TNXB: variants seen among roughly 807,000 people sequenced by gnomAD.
TNXB encodes the protein tenascin-X.
Under a neutral mutation model 340.5 loss-of-function variants are expected in TNXB, and 183 were observed. That is an observed-to-expected ratio of 0.54 (90% CI 0.48 to 0.61). The LOEUF is 0.61. Among genes scored for constraint, TNXB ranks in the 20% least tolerant of loss-of-function variants. The pLI, the probability that TNXB is intolerant of heterozygous loss-of-function variation, is 0.00. For synonymous variants in TNXB, 2,121 were observed against 2,314.5 expected, an observed-to-expected ratio of 0.92 and a Z score of 2.40; for missense variants, 4,613 against 5,446.4, an observed-to-expected ratio of 0.85 and a Z score of 4.82.
rs1299020479 is a variant in TNXB, at chr6:32,048,407, T to C, written c.10001A>G (p.Gln3334Arg). 6.5e-7 allele frequency: 1 copy of C among 1,538,558 alleles called. No individual in the cohort carries two copies. The highest frequency in any genetic ancestry group is 2.3e-5 in the East Asian group (1 of 43,762). Residue 3334 changes from glutamine to arginine, a missense_variant, in exon 29 of 44, where the codon CAG (glutamine) becomes CGG (arginine). This residue lies in a region of TNXB where 4,327 missense variants were observed against 4,859.4 expected (regional missense o/e 0.89). Transcript: ENST00000644971. ...GACTGGGCCGTGGCGTTTCCCATTC[T>C]GGAGTCCAAAGAGCAGGAACTTGTA... is the stretch of plus-strand genomic sequence containing the variant. ...RKYKFLLFGLQNGKRHGPVPV... is the reference protein window; with the variant it reads ...RKYKFLLFGLRNGKRHGPVPV...
rs773223609 is a variant in TNXB, at chr6:32,095,989, G to A, written c.1864C>T (p.Pro622Ser). The A allele has an allele frequency of 5.0e-6, 8 of 1,612,990 alleles. No individual in the cohort carries two copies. Among genetic ancestry groups the A allele is most frequent in the Non-Finnish European group, 6.8e-6 (8 of 1,179,774 alleles). ...VSEDCSIRTCPSNCHGRGRCE... is the reference protein window; with the variant it reads ...VSEDCSIRTCSSNCHGRGRCE... Reference sequence around the variant, plus strand: ...CGGCCCCTCCCGTGGCAGTTGGAGGGGCAGGTGCGGATGCTGCAGTCCTCA... The same window carrying A: ...CGGCCCCTCCCGTGGCAGTTGGAGGAGCAGGTGCGGATGCTGCAGTCCTCA... Residue 622 changes from proline to serine, a missense_variant, in exon 3 of 44, where the codon CCC (proline) becomes TCC (serine). By Grantham distance (74) the Pro-to-Ser change is moderately conservative. This residue lies in a region of TNXB where 4,327 missense variants were observed against 4,859.4 expected (regional missense o/e 0.89). Coordinates refer to ENST00000644971, the MANE Select transcript of TNXB (RefSeq NM_001365276.2).
In TNXB at chr6:32,075,353, C is replaced by T. The variant is rs533137794; in HGVS notation, c.4376-1401G>A. On this transcript the variant is annotated intron_variant, in intron 11 of 43. Coordinates refer to ENST00000644971, the MANE Select transcript of TNXB (RefSeq NM_001365276.2). The surrounding 1 kb of genome is among the most constrained non-coding windows in gnomAD (Gnocchi z 4.6). Reference sequence around the variant, plus strand: ...ATCATTCCCTATTGCCTGCCCTCCTCCAACTCCACCACAAAACATACTGCA... The same window carrying T: ...ATCATTCCCTATTGCCTGCCCTCCTTCAACTCCACCACAAAACATACTGCA... Among the ~76,000 whole-genome samples, 55 of 152,358 alleles carry T rather than the reference C, an allele frequency of 3.6e-4. No individual in the cohort carries two copies. The highest frequency in any genetic ancestry group is 1.3e-4 in the Admixed American group (2 of 15,294).
Position 32,061,454 on chromosome 6 carries a change from G to C in TNXB, c.7435C>G (p.Leu2479Val), listed in dbSNP as rs1276416197. Reference sequence around the variant, plus strand: ...CGCCGCCCCTCGTGGAGGCCATACAGGTGCATCTTGTATTTGCGCCCAGGC... The same window carrying C: ...CGCCGCCCCTCGTGGAGGCCATACACGTGCATCTTGTATTTGCGCCCAGGC... ...LEPGRKYKMH[L>V]YGLHEGRRVG... Residue 2479 changes from leucine to valine, a missense_variant, in exon 21 of 44, where the codon CTG becomes GTG. Coordinates refer to ENST00000644971, the MANE Select transcript of TNXB (RefSeq NM_001365276.2). The surrounding 1 kb of genome is among the most constrained non-coding windows in gnomAD (Gnocchi z 4.4). 6.2e-7 allele frequency: 1 copy of C among 1,613,332 alleles called. No homozygotes were observed. Among genetic ancestry groups the C allele is most frequent in the Non-Finnish European group, 8.5e-7 (1 of 1,179,846 alleles).
Position 32,049,698 on chromosome 6 carries a change from T to C in TNXB, c.9440-111A>G, listed in dbSNP as rs1355406930. 13 of 1,331,484 alleles carry C rather than the reference T, an allele frequency of 9.8e-6. No homozygotes were observed. The highest frequency in any genetic ancestry group is 1.5e-5 in the African/African-American group (1 of 68,216). 82.5% of individuals were successfully genotyped at this position (1,331,484 alleles called of 1,614,324 possible). Reference sequence around the variant, plus strand: ...GGGACCTGAGGTCATTTCAGAGAAGTCCATTCTTGGGGCTGGGTGGTCCTG... The same window carrying C: ...GGGACCTGAGGTCATTTCAGAGAAGCCCATTCTTGGGGCTGGGTGGTCCTG... On this transcript the variant is annotated intron_variant, in intron 27 of 43. Coordinates refer to ENST00000644971, the MANE Select transcript of TNXB (RefSeq NM_001365276.2). This position sits in a 1 kb window ranked among gnomAD's most constrained non-coding sequence, Gnocchi z 4.5.
intron 1 of TNXB, among the ~76,000 whole-genome samples, chr6:32,103,009 G>A (rs1004566924): frequency 1.2e-4 from 18 of 152,126 alleles, no homozygotes; most frequent in African/African-American, 3.6e-4. Context: ...ATTATTGACC[G>A]GAAGGAGTCA....
At chr6:32,050,401 T>G in intron 26 of TNXB, 80 bp from the exon 27 acceptor site, 1 of 1,552,132 alleles carries the variant, frequency 6.4e-7, no homozygotes, top group Non-Finnish European at 8.8e-7. Context: ...AAACACAAAG[T>G]GCCCAAGAAC....
Position 32,049,910 on chromosome 6 carries a change from C to T in TNXB, c.9439+88G>A. 6.3e-7 allele frequency: 1 copy of T among 1,586,360 alleles called. No homozygotes were observed. On this transcript the variant is annotated intron_variant, in intron 27 of 43. Coordinates refer to ENST00000644971, the MANE Select transcript of TNXB (RefSeq NM_001365276.2). The surrounding 1 kb of genome is among the most constrained non-coding windows in gnomAD (Gnocchi z 4.5). ...AGCAGTTCTGTGGTGCTGACCAGACCCCTGTCCCATTCCCCACCAGTCATC... is the reference window on the plus strand; with the variant it reads ...AGCAGTTCTGTGGTGCTGACCAGACTCCTGTCCCATTCCCCACCAGTCATC...
In TNXB at chr6:32,070,377, G is replaced by C. The variant is rs368058720; in HGVS notation, c.5028C>G (p.Arg1676=). ...RGDASPGAPP[R]LGELWVTDPT... is the part of the protein sequence containing the mutation. The stretch of plus-strand genomic sequence containing the variant: ...GGTCTGTCACCCACAGCTCCCCAAG[G>C]CGGGGTGGGGCCCCTGGGCTGGCGT... The change falls in exon 14 of 44, where the codon CGC becomes CGG. Residue 1676 remains arginine (R), a synonymous_variant. Transcript: ENST00000644971. This position sits in a 1 kb window ranked among gnomAD's most constrained non-coding sequence, Gnocchi z 6.0. The C allele has an allele frequency of 6.2e-7, 1 of 1,600,634 alleles. No individual in the cohort carries two copies. The highest frequency in any genetic ancestry group is 2.2e-5 in the East Asian group (1 of 44,630).
At position 32,067,116 on chromosome 6, in the gene TNXB, AAAGAAAGAAAGGAAGG is replaced by A. The variant is rs1778393841; in HGVS notation, c.6544+529_6544+544del. ...AAGAATGAAAGAAAGAAAGAAAGAG[AAAGAAAGAAAGGAAGG>A]AAGAAAGAAAGAAAGAAAGAAAGAA... On this transcript the variant is annotated intron_variant, in intron 18 of 43. Transcript: ENST00000644971. This position sits in a 1 kb window ranked among gnomAD's most constrained non-coding sequence, Gnocchi z 4.2. Among the ~76,000 whole-genome samples the A allele has an allele frequency of 9.3e-6, 1 of 107,640 alleles. No individual in the cohort carries two copies. The highest frequency in any genetic ancestry group is 2.0e-5 in the Non-Finnish European group (1 of 50,850). 70.6% of individuals were successfully genotyped at this position (107,640 alleles called of 152,430 possible).
chr6:32,072,084 G>C lies in TNXB; in HGVS notation c.4896C>G (p.Ile1632Met). 6.2e-7 allele frequency: 1 copy of C among 1,613,082 alleles called. No individual in the cohort carries two copies. The highest frequency in any genetic ancestry group is 8.5e-7 in the Non-Finnish European group (1 of 1,179,496). Residue 1632 changes from isoleucine (I) to methionine (M), a missense_variant, in exon 13 of 44, where the codon ATC becomes ATG. Transcript: ENST00000644971. The surrounding 1 kb of genome is among the most constrained non-coding windows in gnomAD (Gnocchi z 4.4). ...PVAADQREVT[I>M]PDLEPSRKYK... ...ACTTGCGGGAGGGTTCCAGGTCAGG[G>C]ATAGTGACCTCCCGCTGATCTGCAG...
Position 32,049,002 on chromosome 6 carries a change from C to T in TNXB, c.9757+268G>A, listed in dbSNP as rs1267883592. 6.6e-6 allele frequency among the ~76,000 whole-genome samples: 1 copy of T among 152,180 alleles called. No individual in the cohort carries two copies. Among genetic ancestry groups the T allele is most frequent in the South Asian group, 2.1e-4 (1 of 4,838 alleles). ...GCCACTAAAATACTCCTTAAGGGAG[C>T]CTGAAGACTAACAAATGAGCACACG... On this transcript the variant is annotated intron_variant, in intron 28 of 43. Coordinates refer to ENST00000644971, the MANE Select transcript of TNXB (RefSeq NM_001365276.2). This position sits in a 1 kb window ranked among gnomAD's most constrained non-coding sequence, Gnocchi z 4.5.
In TNXB at chr6:32,053,381, C is replaced by T; in HGVS notation, c.8791+7G>A. 7 of 1,611,656 alleles carry T rather than the reference C, an allele frequency of 4.3e-6. No homozygotes were observed. The highest frequency in any genetic ancestry group is 5.9e-6 in the Non-Finnish European group (7 of 1,179,416). ...GCCCCACTCTGGGGCTCCCATCGTA[C>T]ACTCACCTGTCACCCCAATGACAGA... is the stretch of plus-strand genomic sequence containing the variant. On this transcript the variant is annotated splice_region_variant and intron_variant, in intron 25 of 43. Coordinates refer to ENST00000644971, the MANE Select transcript of TNXB (RefSeq NM_001365276.2).
rs1233087781 is a variant in TNXB, at chr6:32,095,094, T to C, written c.2340A>G (p.Glu780=). ...CTCTCACCGTGGGGATGAACTGAATTTCATAGGCATCCACGGGGCCAGGAG... is the reference window on the plus strand; with the variant it reads ...CTCTCACCGTGGGGATGAACTGAATCTCATAGGCATCCACGGGGCCAGGAG... The part of the protein sequence containing the change: ...TPAPGPVDAY[E]IQFIPTTEGA... Residue 780 remains glutamate (E), a synonymous_variant, in exon 4 of 44, where the codon GAA becomes GAG. Coordinates refer to ENST00000644971, the MANE Select transcript of TNXB (RefSeq NM_001365276.2). 1 of 1,548,602 alleles carries C rather than the reference T, an allele frequency of 6.5e-7. No homozygotes were observed. Among genetic ancestry groups the C allele is most frequent in the African/African-American group, 1.4e-5 (1 of 72,968 alleles).
rs992292950 is a variant in TNXB at position 32,047,520 on chromosome 6, C to T, written c.10324+214G>A. On this transcript the variant is annotated intron_variant, in intron 30 of 43. Coordinates refer to ENST00000644971, the MANE Select transcript of TNXB (RefSeq NM_001365276.2). This position sits in a 1 kb window ranked among gnomAD's most constrained non-coding sequence, Gnocchi z 6.2. The stretch of plus-strand genomic sequence containing the variant: ...ACACAGATCTGCTGGCCCCAAAGCC[C>T]GTGTCCCTTTTATTTCCTCAGCAGT... Among the ~76,000 whole-genome samples the T allele has an allele frequency of 2.0e-5, 3 of 152,206 alleles. No homozygotes were observed. Among genetic ancestry groups the T allele is most frequent in the Non-Finnish European group, 2.9e-5 (2 of 68,038 alleles).
In TNXB at chr6:32,064,692, G is replaced by T; in HGVS notation, c.6841+129C>A. ...CCAAAGTCTCGGAGTGAAGGCACCA[G>T]CAGAACCATTCCCAGGAGCTTGGGA... On this transcript the variant is annotated intron_variant, in intron 19 of 43. Coordinates refer to ENST00000644971, the MANE Select transcript of TNXB (RefSeq NM_001365276.2). The surrounding 1 kb of genome is among the most constrained non-coding windows in gnomAD (Gnocchi z 5.3). 1.5e-6 allele frequency: 2 copies of T among 1,325,962 alleles called. No individual in the cohort carries two copies. The highest frequency in any genetic ancestry group is 2.0e-6 in the Non-Finnish European group (2 of 996,112). 82.1% of individuals were successfully genotyped at this position (1,325,962 alleles called of 1,614,324 possible).
At position 32,095,993 on chromosome 6, in the gene TNXB, G is replaced by C. The variant is rs771054317; in HGVS notation, c.1860C>G (p.Thr620=). The change falls in exon 3 of 44, where the codon ACC becomes ACG. Residue 620 remains threonine (T), a synonymous_variant. Coordinates refer to ENST00000644971, the MANE Select transcript of TNXB (RefSeq NM_001365276.2). ...GYVSEDCSIR[T]CPSNCHGRGR... is the part of the protein sequence containing the mutation. ...CCCTCCCGTGGCAGTTGGAGGGGCA[G>C]GTGCGGATGCTGCAGTCCTCACTCA... 1 of 1,613,000 alleles carries C rather than the reference G, an allele frequency of 6.2e-7. No homozygotes were observed. The highest frequency in any genetic ancestry group is 8.5e-7 in the Non-Finnish European group (1 of 1,179,794).
rs940535670 is a variant in TNXB at position 32,072,297 on chromosome 6, A to G, written c.4683T>C (p.Ala1561=). The change falls in exon 13 of 44, where the codon GCT becomes GCC. Residue 1561 remains alanine, a splice_region_variant and synonymous_variant. Transcript: ENST00000644971. The surrounding 1 kb of genome is among the most constrained non-coding windows in gnomAD (Gnocchi z 4.4). ...CTGTGGCTGGGGCTGGTGGGAGGGG[A>G]GCTGGGATTTGGGAAGACAAAGAAC... ...MGPLSVVIVT[A]PLPPAPATEA... 6.3e-7 allele frequency: 1 copy of G among 1,591,774 alleles called. No homozygotes were observed.
At chr6:32,106,414 G>T (rs2127308465) in intron 1 of TNXB, among the ~76,000 whole-genome samples, 1 of 152,204 alleles carries the variant, frequency 6.6e-6, no homozygotes, top group South Asian at 2.1e-4. Flanking sequence ...GGGGAAAGGA[G>T]GAGGGCAGGG....
intron 13 of TNXB, among the ~76,000 whole-genome samples, chr6:32,071,578 C>CTTT (rs10694435): frequency 5.2e-4 from 73 of 139,942 alleles, no homozygotes; most frequent in Non-Finnish European, 8.3e-4. Context: ...GCTTTTCTTT[C>CTTT]TTTTTTTTTT....
Sources: gnomAD v4.1 joint callset for allele counts (sites outside exome capture counted in the v4.1 genomes callset) on GRCh38, gnomAD v4.1.1 for gene constraint, gnomAD v4.1.1 regional missense constraint, Gnocchi (gnomAD v3.1) non-coding constraint, MANE v1.5 for transcripts, NCBI Gene and HGNC (gene_info 2026-07-23, HGNC 2026-07-21) for gene names.